The following SP3 variants were observed in gnomAD, a reference collection of about 807,000 sequenced individuals.
SP3 encodes transcription factor Sp3.
SP3 carries 10 observed loss-of-function variants against 70.3 expected under a neutral mutation model. The observed-to-expected ratio is 0.14, with a 90% CI of 0.09 to 0.24. SP3 has a LOEUF of 0.24. Ranked by LOEUF, SP3 falls within the 10% of genes least tolerant of loss-of-function variation. SP3 has a pLI of 1.00. For synonymous variants in SP3, 402 were observed against 333.5 expected, an observed-to-expected ratio of 1.21 and a Z score of -2.24; for missense variants, 825 against 914.6, an observed-to-expected ratio of 0.90 and a Z score of 1.26.
intron 4 of SP3, 103 bp from the exon 5 acceptor site, chr2:173,918,888 A>G (rs1169085430): frequency 7.3e-6 from 7 of 961,398 alleles, no homozygotes; most frequent in Non-Finnish European, 1.1e-5. Context: ...CTTTGCATGC[A>G]CTACTTCTCT....
At chr2:173,959,774 A>T (rs77814123) in intron 3 of SP3, among the ~76,000 whole-genome samples, 9 of 152,154 alleles carry the variant, frequency 5.9e-5, no homozygotes, top group Non-Finnish European at 1.2e-4. Context: ...AAATAAAAAT[A>T]AAAAAAATTA....
At chr2:173,940,266 G>T (rs142417869) in intron 4 of SP3, among the ~76,000 whole-genome samples, 193 of 152,206 alleles carry the variant, frequency 1.3e-3, no homozygotes, top group African/African-American at 4.4e-3. Flanking sequence ...TGCTGACAAG[G>T]GAGATGGTTT....
chr2:173,930,162 T>G (rs1367815192), intron 4 of SP3, among the ~76,000 whole-genome samples: 2 of 152,164 alleles, frequency 1.3e-5, no homozygotes, highest in Non-Finnish European at 2.9e-5. Flanking sequence ...CCTTAATCCT[T>G]TCAGACATTT....
chr2:173,933,160 A>C (rs969554234), intron 4 of SP3, among the ~76,000 whole-genome samples: 18 of 152,268 alleles, frequency 1.2e-4, no homozygotes, highest in African/African-American at 4.1e-4. Flanking sequence ...AGTATCTGTG[A>C]AGCACAATAA....
intron 5 of SP3, chr2:173,914,755 A>G (rs1330873606): frequency 1.3e-5 from 2 of 152,202 alleles, no homozygotes; most frequent in Non-Finnish European, 2.9e-5. Flanking sequence ...ACAACTCTTC[A>G]AAGAGCTGAG....
rs1691164185 is a variant in SP3, at chr2:173,963,735, GGGGGCGGGCCGCGCGC to G, written c.279+10_279+25del. ...GGGATGGCGGGCGCCCGGCCTCGGC[GGGGGCGGGCCGCGCGC>G]GGGACTTACCGCTCCGGCGGCGGCG... On this transcript the variant is annotated intron_variant, in intron 3 of 6. Transcript: ENST00000310015. The G allele has an allele frequency of 1.1e-6, 1 of 950,172 alleles. No homozygotes were observed. The highest frequency in any genetic ancestry group is 1.3e-6 in the Non-Finnish European group (1 of 786,292). 58.9% of individuals were successfully genotyped at this position (950,172 alleles called of 1,614,324 possible).
intron 4 of SP3, among the ~76,000 whole-genome samples, chr2:173,923,266 C>T (rs1444238484): frequency 4.0e-5 from 6 of 151,554 alleles, no homozygotes; most frequent in Non-Finnish European, 7.4e-5. Flanking sequence ...ACCAATAAAA[C>T]AAGCTTGCGA....
rs1190111965 is a variant in SP3 at position 173,904,895 on chromosome 2, C to T, written c.*5046G>A. 6.6e-5 allele frequency among the ~76,000 whole-genome samples: 10 copies of T among 152,120 alleles called. No homozygotes were observed. The highest frequency in any genetic ancestry group is 6.5e-4 in the Admixed American group (10 of 15,280). ...AGAAATAACTGCATTTCTCTGATGG[C>T]CTTTCCTAATCTTAAAAACCACTTC... On this transcript the variant is annotated 3_prime_UTR_variant, in exon 7 of 7. Transcript: ENST00000310015.
chr2:173,961,572 A>C lies in SP3; in HGVS notation c.279+2189T>G, dbSNP rs1375672992. ...ATGTCTTAATTTGGACAAATGTATC[A>C]TCATTATCCTAACATTAGGGGAAGC... is the stretch of plus-strand genomic sequence containing the variant. On this transcript the variant is annotated intron_variant, in intron 3 of 6. Transcript: ENST00000310015. Among the ~76,000 whole-genome samples the C allele has an allele frequency of 2.0e-5, 3 of 152,246 alleles. No individual in the cohort carries two copies. The East Asian group carries it at 5.8e-4, about 29-fold the overall frequency.
At chr2:173,943,639 T>C (rs1407443423) in intron 4 of SP3, among the ~76,000 whole-genome samples, 5 of 152,210 alleles carry the variant, frequency 3.3e-5, no homozygotes, top group African/African-American at 1.2e-4. Context: ...CGCTGCTTTA[T>C]TTTCTTCATA....
chr2:173,933,638 TTA>T (rs60102426), intron 4 of SP3, among the ~76,000 whole-genome samples: 5,335 of 86,458 alleles, frequency 0.062, 206 homozygotes, highest in African/African-American at 0.097. Flanking sequence ...TTATAAAACT[TTA>T]TATATATATA....
chr2:173,964,418 G>T lies in SP3; in HGVS notation c.143C>A (p.Ala48Glu). The T allele has an allele frequency of 1.4e-6, 1 of 726,988 alleles. No individual in the cohort carries two copies. The highest frequency in any genetic ancestry group is 3.1e-4 in the Middle Eastern group (1 of 3,212). The allele number at this position is 726,988 out of a possible 1,614,324, so 45.0% of individuals were successfully genotyped here. A position where few individuals can be genotyped will look rare whatever the true frequency, so the allele number is the denominator to read the frequency against. ...GCCGCTCCTCACCTGGGCCGCCGCTGCCGCCGCCACCGCACCGTTTCCGTG... is the reference window on the plus strand; with the variant it reads ...GCCGCTCCTCACCTGGGCCGCCGCTTCCGCCGCCACCGCACCGTTTCCGTG... Reference protein sequence around the residue: ...QQHGNGAVAAAAAAQDTQPSP... With the variant: ...QQHGNGAVAAEAAAQDTQPSP... The change falls in exon 2 of 7, where the codon GCA (alanine) becomes GAA (glutamate). Residue 48 changes from alanine to glutamate, a missense_variant. By Grantham distance (107) the Ala-to-Glu change is moderately radical. Transcript: ENST00000310015.
In SP3 at chr2:173,910,277, G is replaced by A. The variant is rs1267849435; in HGVS notation, c.2030-20C>T. On this transcript the variant is annotated intron_variant, in intron 6 of 6. Coordinates refer to ENST00000310015, the MANE Select transcript of SP3 (RefSeq NM_003111.5). ...TCTCACCTGTTAAGAAAAAAATTAA[G>A]TTACTTGGTTTTAAAAATTCAACTT... is the stretch of plus-strand genomic sequence containing the variant. The A allele has an allele frequency of 4.4e-6, 7 of 1,607,624 alleles. No individual in the cohort carries two copies. The highest frequency in any genetic ancestry group is 3.4e-5 in the Admixed American group (2 of 59,120).
At chr2:173,963,323 A>T (rs1691147822) in intron 3 of SP3, 1 of 152,218 alleles carries the variant, frequency 6.6e-6, no homozygotes, top group Non-Finnish European at 1.5e-5. Flanking sequence ...GTATGATTTA[A>T]AGCAGTAAGA....
chr2:173,932,782 G>A (rs1690101984), intron 4 of SP3, among the ~76,000 whole-genome samples: 2 of 152,232 alleles, frequency 1.3e-5, no homozygotes, highest in East Asian at 3.9e-4. Context: ...CACGAGGTCA[G>A]GAGATTGAGA....
intron 4 of SP3, among the ~76,000 whole-genome samples, chr2:173,942,214 A>G (rs1690391187): frequency 6.6e-6 from 1 of 152,194 alleles, no homozygotes; most frequent in African/African-American, 2.4e-5. Context: ...GGATGAACAC[A>G]AGTTGTTGGC....
intron 2 of SP3, 78 bp from the exon 3 acceptor site, chr2:173,963,961 G>T: frequency 9.6e-7 from 1 of 1,043,736 alleles, no homozygotes; most frequent in Non-Finnish European, 1.3e-6. Context: ...TTTCGCACAG[G>T]AAGTACGACT....
chr2:173,929,159 T>A (rs1442472569), intron 4 of SP3, among the ~76,000 whole-genome samples: 2 of 152,038 alleles, frequency 1.3e-5, no homozygotes, highest in Non-Finnish European at 2.9e-5. Flanking sequence ...ACGTGGCAAA[T>A]CACATTCTGT....
At chr2:173,945,620 A>G (rs952639706) in intron 4 of SP3, among the ~76,000 whole-genome samples, 11 of 152,336 alleles carry the variant, frequency 7.2e-5, no homozygotes, top group Admixed American at 2.0e-4. Context: ...GAACATGCAC[A>G]TATGTTCAAC....
Sources: gnomAD v4.1 joint callset for allele counts (sites outside exome capture counted in the v4.1 genomes callset) on GRCh38, gnomAD v4.1.1 for gene constraint, MANE v1.5 for transcripts, NCBI Gene and HGNC (gene_info 2026-07-23, HGNC 2026-07-21) for gene names.